The following CALB1 variants were observed in gnomAD, a reference collection of about 807,000 sequenced individuals.
CALB1 encodes calbindin.
Under a neutral mutation model 46.7 loss-of-function variants are expected in CALB1, and 16 were observed. The observed-to-expected ratio is 0.34, with a 90% CI of 0.23 to 0.52. The LOEUF (loss-of-function observed/expected upper bound fraction) is 0.52, where lower values mean the gene tolerates loss of function less well. Ranked by LOEUF, CALB1 falls within the 20% of genes least tolerant of loss-of-function variation. CALB1 has a pLI of 0.95. For missense variants in CALB1, 224 were observed against 300.3 expected, an observed-to-expected ratio of 0.75 and a Z score of 1.88; for synonymous variants, 90 against 112.8, an observed-to-expected ratio of 0.80 and a Z score of 1.28.
At position 90,064,983 on chromosome 8, in the gene CALB1, A is replaced by G. The variant is rs1224511533; in HGVS notation, c.450+915T>C. ...ATTAGATTGTTTCTCAGAGTAATTAAAAAGTCTAACTCCTTCTTCAATCTA... is the reference window on the plus strand; with the variant it reads ...ATTAGATTGTTTCTCAGAGTAATTAGAAAGTCTAACTCCTTCTTCAATCTA... On this transcript the variant is annotated intron_variant, in intron 6 of 10. Coordinates refer to ENST00000265431, the MANE Select transcript of CALB1 (RefSeq NM_004929.4). Among the ~76,000 whole-genome samples, 5 of 151,958 alleles carry G rather than the reference A, an allele frequency of 3.3e-5. No individual in the cohort carries two copies. The East Asian group carries it at 9.6e-4, about 29-fold the overall frequency.
At chr8:90,071,571 A>G (rs1357789719) in intron 3 of CALB1, among the ~76,000 whole-genome samples, 2 of 152,176 alleles carry the variant, frequency 1.3e-5, no homozygotes, top group East Asian at 1.9e-4. Flanking sequence ...AGGATTTTAA[A>G]GAAGATGGGA....
chr8:90,060,314 T>C, intron 10 of CALB1, 28 bp from the exon 11 acceptor site: 1 of 1,338,182 alleles, frequency 7.5e-7, no homozygotes, highest in Non-Finnish European at 1.1e-6. Flanking sequence ...GGCATTGTAA[T>C]CCAGTTAAAT....
At position 90,063,474 on chromosome 8, in the gene CALB1, A is replaced by T. The variant is rs1298352508; in HGVS notation, c.451-13T>A. 1 of 1,603,700 alleles carries T rather than the reference A, an allele frequency of 6.2e-7. No individual in the cohort carries two copies. The highest frequency in any genetic ancestry group is 1.7e-5 in the Admixed American group (1 of 59,694). The stretch of plus-strand genomic sequence containing the variant: ...CAAATAGTTTCAGCTGAAAGACAGA[A>T]TGCCATTATTCTAGCTATTTGAGGA... On this transcript the variant is annotated splice_polypyrimidine_tract_variant and intron_variant, in intron 6 of 10. Transcript: ENST00000265431.
rs145856953 is a variant in CALB1 at position 90,081,804 on chromosome 8, T to TTC, written c.156+220_156+221dup. On this transcript the variant is annotated intron_variant, in intron 2 of 10. Coordinates refer to ENST00000265431, the MANE Select transcript of CALB1 (RefSeq NM_004929.4). ...CTTCCCTCCCTTCTCTGTCCCTCCC[T>TTC]TCTCTCTCTCTCTCTCTCCCCCTCT... 6.4e-3 allele frequency among the ~76,000 whole-genome samples: 945 copies of TTC among 147,524 alleles called. 12 individuals are homozygous for TTC. The highest frequency in any genetic ancestry group is 0.022 in the African/African-American group (882 of 40,356).
At position 90,059,474 on chromosome 8, in the gene CALB1, T is replaced by C. The variant is rs2130211897; in HGVS notation, c.*699A>G. The C allele has an allele frequency of 6.6e-6, 1 of 152,496 alleles. No individual in the cohort carries two copies. Among genetic ancestry groups the C allele is most frequent in the South Asian group, 2.1e-4 (1 of 4,822 alleles). The allele number at this position is 152,496 out of a possible 1,614,324, so 9.4% of individuals were successfully genotyped here. On this transcript the variant is annotated 3_prime_UTR_variant, in exon 11 of 11. Transcript: ENST00000265431. ...CAACACATGAAAACAGTTTAGAAAA[T>C]GGATTTAGGTCATATTCTCTGACAG...
intron 9 of CALB1, chr8:90,062,842 A>C (rs746038428): frequency 2.7e-5 from 9 of 331,956 alleles, no homozygotes; most frequent in Non-Finnish European, 4.4e-5. Context: ...GCATGATGCC[A>C]CTTGTATGAG....
intron 2 of CALB1, among the ~76,000 whole-genome samples, chr8:90,079,715 A>G (rs551188103): frequency 4.3e-4 from 65 of 152,170 alleles, no homozygotes; most frequent in Non-Finnish European, 7.8e-4. Flanking sequence ...TTAAAAATGT[A>G]TAAAAATGAG....
intron 3 of CALB1, among the ~76,000 whole-genome samples, chr8:90,076,630 C>G (rs1814627953): frequency 6.6e-6 from 1 of 151,916 alleles, no homozygotes; most frequent in Non-Finnish European, 1.5e-5. Context: ...CTTCTGTTAC[C>G]TATATTTCTA....
intron 5 of CALB1, among the ~76,000 whole-genome samples, chr8:90,068,001 T>A (rs889942868): frequency 3.9e-5 from 6 of 152,188 alleles, no homozygotes; most frequent in African/African-American, 1.4e-4. Context: ...ATTAACTCAC[T>A]TATATTTTAG....
At position 90,069,199 on chromosome 8, in the gene CALB1, C is replaced by A. The variant is rs764575128; in HGVS notation, c.270G>T (p.Leu90=). ...ACTTCAGCTGCTGGCATCGGAAGAG[C>A]AGCAGGAAATTCTCTTCTGTGGGTA... ...HVLPTEENFL[L]LFRCQQLKSC... is the part of the protein sequence containing the mutation. Residue 90 remains leucine, a synonymous_variant, in exon 4 of 11, where the codon CTG becomes CTT. Coordinates refer to ENST00000265431, the MANE Select transcript of CALB1 (RefSeq NM_004929.4). 5 of 1,613,920 alleles carry A rather than the reference C, an allele frequency of 3.1e-6. No homozygotes were observed. Among genetic ancestry groups the A allele is most frequent in the Non-Finnish European group, 4.2e-6 (5 of 1,179,946 alleles).
At chr8:90,082,286 C>T in intron 1 of CALB1, 184 bp from the exon 2 acceptor site, 1 of 618,800 alleles carries the variant, frequency 1.6e-6, no homozygotes, top group East Asian at 2.7e-5. Flanking sequence ...TTTAGATCCA[C>T]TGAGGACAAA....
At chr8:90,075,484 G>A (rs921455645) in intron 3 of CALB1, among the ~76,000 whole-genome samples, 4 of 152,076 alleles carry the variant, frequency 2.6e-5, no homozygotes, top group Admixed American at 1.3e-4. Context: ...GAAAACATAG[G>A]ATTTTGCATT....
chr8:90,082,589 T>C (rs1312761750), intron 1 of CALB1, 30 bp downstream of exon 1: 4 of 1,590,558 alleles, frequency 2.5e-6, no homozygotes, highest in Non-Finnish European at 3.5e-6. Context: ...GAAACGGGTC[T>C]TGAAACAGTT....
chr8:90,068,059 A>T (rs1038565175), intron 5 of CALB1, among the ~76,000 whole-genome samples: 2 of 152,062 alleles, frequency 1.3e-5, no homozygotes, highest in Non-Finnish European at 2.9e-5. Context: ...TCAGATGGCG[A>T]TGTTTTGGGG....
intron 2 of CALB1, among the ~76,000 whole-genome samples, chr8:90,081,688 A>AAT (rs757232835): frequency 1.2e-4 from 18 of 152,108 alleles, no homozygotes; most frequent in African/African-American, 2.7e-4. Flanking sequence ...ACTAGTATAG[A>AAT]ATATATATAT....
intron 2 of CALB1, among the ~76,000 whole-genome samples, chr8:90,080,007 T>C (rs1056786287): frequency 6.6e-6 from 1 of 151,952 alleles, no homozygotes; most frequent in African/African-American, 2.4e-5. Context: ...AGTAGTATAA[T>C]GAAACATGTA....
Position 90,063,313 on chromosome 8 carries a change from G to A in CALB1, c.514C>T (p.Pro172Ser), listed in dbSNP as rs1236524473. 1.9e-6 allele frequency: 3 copies of A among 1,591,812 alleles called. No homozygotes were observed. Among genetic ancestry groups the A allele is most frequent in the Admixed American group, 1.7e-5 (1 of 59,600 alleles). ...LELTEMARLL[P>S]VQENFLLKFQ... The stretch of plus-strand genomic sequence containing the variant: ...TTAAGAAGAAAATTCTCCTGCACTG[G>A]TAGTAACCTTTTGAGAGAAAAACAT... Residue 172 changes from proline to serine, a missense_variant, in exon 8 of 11, where the codon CCA becomes TCA. Transcript: ENST00000265431.
intron 9 of CALB1, chr8:90,061,971 A>G (rs1406857646): frequency 6.6e-6 from 1 of 152,114 alleles, no homozygotes; most frequent in Non-Finnish European, 1.5e-5. Context: ...CAAAGCTACA[A>G]TGATTAAAAC....
At chr8:90,073,612 A>G (rs1038914248) in intron 3 of CALB1, among the ~76,000 whole-genome samples, 2 of 152,216 alleles carry the variant, frequency 1.3e-5, no homozygotes, top group Non-Finnish European at 2.9e-5. Context: ...TCTTCCACTC[A>G]GATCTGCTTC....
Sources: allele counts gnomAD v4.1 joint callset (sites outside exome capture counted in the v4.1 genomes callset), GRCh38; gene constraint gnomAD v4.1.1; transcripts MANE v1.5; gene names NCBI Gene and HGNC (gene_info 2026-07-23, HGNC 2026-07-21).